SLC47A1: variants seen among roughly 807,000 people sequenced by gnomAD.
SLC47A1 encodes solute carrier family 47 member 1.
A neutral mutation model predicts 65.8 loss-of-function variants in SLC47A1; 58 were observed. The observed-to-expected ratio is 0.88, with a 90% CI of 0.71 to 1.10. SLC47A1 has a LOEUF of 1.10. SLC47A1 is among the 50% of genes least tolerant of loss of function. The probability of loss-of-function intolerance (pLI) is 0.00; values close to 1 mark genes in which losing one functional copy is unlikely to be tolerated. For missense variants in SLC47A1, 706 were observed against 719.2 expected, an observed-to-expected ratio of 0.98 and a Z score of 0.21; for synonymous variants, 285 against 295.0, an observed-to-expected ratio of 0.97 and a Z score of 0.35.
At position 19,567,238 on chromosome 17, in the gene SLC47A1, A is replaced by C. The variant is rs2084366082; in HGVS notation, c.1309+10A>C. 2 of 1,614,026 alleles carry C rather than the reference A, an allele frequency of 1.2e-6. No homozygotes were observed. Among genetic ancestry groups the C allele is most frequent in the South Asian group, 1.1e-5 (1 of 91,080 alleles). The stretch of plus-strand genomic sequence containing the variant: ...ACACTTGGAGTGATGGGTAAGCTCT[A>C]ACCTCTGCAGGCAGGGCTTAGCTGC... On this transcript the variant is annotated intron_variant, in intron 14 of 16. Coordinates refer to ENST00000270570, the MANE Select transcript of SLC47A1 (RefSeq NM_018242.3).
At chr17:19,570,556 G>C (rs1257002661) in intron 14 of SLC47A1, among the ~76,000 whole-genome samples, 7 of 152,234 alleles carry the variant, frequency 4.6e-5, no homozygotes, top group Non-Finnish European at 8.8e-5. Context: ...AATTAGGCAA[G>C]CTGTCAGTTG....
chr17:19,562,303 C>T (rs1424781763), intron 12 of SLC47A1, among the ~76,000 whole-genome samples: 1 of 152,146 alleles, frequency 6.6e-6, no homozygotes, highest in Admixed American at 6.6e-5. Flanking sequence ...TGGCTCACTC[C>T]TGTAATCCCA....
intron 12 of SLC47A1, among the ~76,000 whole-genome samples, chr17:19,561,942 T>G (rs1225542456): frequency 1.3e-5 from 2 of 152,206 alleles, no homozygotes; most frequent in Non-Finnish European, 2.9e-5. Flanking sequence ...GAAGTTAAAA[T>G]CTCACCAGTG....
At chr17:19,556,664 T>G (rs903195252) in intron 10 of SLC47A1, among the ~76,000 whole-genome samples, 5 of 151,686 alleles carry the variant, frequency 3.3e-5, no homozygotes, top group African/African-American at 1.2e-4. Context: ...GTTCAAGCAT[T>G]TCTTCTGCCT....
At chr17:19,573,548 A>C (rs2084416794) in intron 16 of SLC47A1, among the ~76,000 whole-genome samples, 2 of 151,612 alleles carry the variant, frequency 1.3e-5, no homozygotes, top group South Asian at 4.2e-4. Context: ...TTAAATAGAA[A>C]GAGGGTCTTG....
rs140894534 is a variant in SLC47A1, at chr17:19,574,874, G to A, written c.1486+2013G>A. Among the ~76,000 whole-genome samples, 5 of 152,298 alleles carry A rather than the reference G, an allele frequency of 3.3e-5. No homozygotes were observed. In the East Asian group the frequency reaches 9.6e-4, roughly 29 times the overall value. On this transcript the variant is annotated intron_variant, in intron 16 of 16. Coordinates refer to ENST00000270570, the MANE Select transcript of SLC47A1 (RefSeq NM_018242.3). ...TTTTCTTGAACTCCTGACCTCAAGT[G>A]ATCCGCCTGGCTCGGCCTCCCAAAG...
At chr17:19,545,434 C>T (rs1056502856) in intron 2 of SLC47A1, among the ~76,000 whole-genome samples, 3 of 152,026 alleles carry the variant, frequency 2.0e-5, no homozygotes, top group Admixed American at 6.6e-5. Flanking sequence ...CCTCGTGATC[C>T]GCCCACCTCG....
At chr17:19,546,176 C>T (rs951142822) in intron 2 of SLC47A1, among the ~76,000 whole-genome samples, 9 of 152,126 alleles carry the variant, frequency 5.9e-5, no homozygotes, top group Admixed American at 2.0e-4. Flanking sequence ...GCCGAGATCG[C>T]GCCACTGCAC....
At chr17:19,544,671 C>A (rs1300524173) in intron 2 of SLC47A1, among the ~76,000 whole-genome samples, 1 of 152,234 alleles carries the variant, frequency 6.6e-6, no homozygotes, top group South Asian at 2.1e-4. Flanking sequence ...CCAGTGCCCC[C>A]CAGGGTACGG....
At chr17:19,566,984 G>A (rs2084362867) in intron 13 of SLC47A1, 112 bp from the exon 14 acceptor site, 2 of 1,593,102 alleles carry the variant, frequency 1.3e-6, no homozygotes, top group African/African-American at 2.7e-5. Context: ...CGTTTAGAAG[G>A]ATACTGTCAC....
rs1567580258 is a variant in SLC47A1, at chr17:19,577,474, G to GGC, written c.1636_1637dup (p.Gly547GlufsTer10). ...TTGTCCAGGAAACAGCTGGTGCTGC[G>GGC]GCGAGGGCTTCTGCTCCTGGGGGTC... is the stretch of plus-strand genomic sequence containing the variant. On this transcript the variant is annotated frameshift_variant, in exon 17 of 17. Transcript: ENST00000270570. LOFTEE classifies it low-confidence loss of function (END_TRUNC). 1 of 1,614,124 alleles carries GGC rather than the reference G, an allele frequency of 6.2e-7. No individual in the cohort carries two copies. The highest frequency in any genetic ancestry group is 1.7e-5 in the Admixed American group (1 of 60,014).
intron 1 of SLC47A1, among the ~76,000 whole-genome samples, chr17:19,536,521 A>C (rs981524403): frequency 1.3e-5 from 2 of 152,136 alleles, no homozygotes; most frequent in African/African-American, 4.8e-5. Flanking sequence ...CTCACCGCTG[A>C]GAGGTAATTT....
At chr17:19,574,931 C>T (rs556399955) in intron 16 of SLC47A1, among the ~76,000 whole-genome samples, 6 of 152,352 alleles carry the variant, frequency 3.9e-5, no homozygotes, top group South Asian at 4.1e-4. Context: ...CCACCACACC[C>T]GGCCTAACAA....
At position 19,549,638 on chromosome 17, in the gene SLC47A1, T is replaced by C; in HGVS notation, c.459T>C (p.Leu153=). The stretch of plus-strand genomic sequence containing the variant: ...TCTTTTTCTTTTCGTTATTTAGGCT[T>C]ACCCAGACCTATGTCACGATCTTCA... ...LFRQDPDVSR[L]TQTYVTIFIP... Residue 153 remains leucine, a synonymous_variant, in exon 5 of 17, where the codon CTT becomes CTC. Coordinates refer to ENST00000270570, the MANE Select transcript of SLC47A1 (RefSeq NM_018242.3). The C allele has an allele frequency of 6.2e-7, 1 of 1,614,202 alleles. No individual in the cohort carries two copies. The highest frequency in any genetic ancestry group is 8.5e-7 in the Non-Finnish European group (1 of 1,180,028).
At chr17:19,544,180 G>A (rs554450534) in intron 2 of SLC47A1, among the ~76,000 whole-genome samples, 1 of 152,236 alleles carries the variant, frequency 6.6e-6, no homozygotes, top group Non-Finnish European at 1.5e-5. Context: ...TCCTGACCTC[G>A]TGATCTGCCC....
chr17:19,552,981 C>T (rs1916496061), intron 6 of SLC47A1, among the ~76,000 whole-genome samples: 1 of 152,028 alleles, frequency 6.6e-6, no homozygotes, highest in African/African-American at 2.4e-5. Flanking sequence ...TGGTGAAGGT[C>T]TGTGATGAAG....
rs2084298213 is a variant in SLC47A1 at position 19,560,305 on chromosome 17, AC to A, written c.1030+13del. ...TTCCCTGCTGATTACAGGTGCTGAG[AC>A]CCCTTTACCCGAGGCTCTTGGTGCA... is the stretch of plus-strand genomic sequence containing the variant. On this transcript the variant is annotated intron_variant, in intron 11 of 16. Coordinates refer to ENST00000270570, the MANE Select transcript of SLC47A1 (RefSeq NM_018242.3). 6.2e-7 allele frequency: 1 copy of A among 1,610,752 alleles called. No homozygotes were observed.
rs2084296004 is a variant in SLC47A1, at chr17:19,560,092, T to C, written c.922-96T>C. ...TCTTTTCAAAACTTTTAGGACCAAGTTTTCCCACCAGGTGTGAGGCATGAG... is the reference window on the plus strand; with the variant it reads ...TCTTTTCAAAACTTTTAGGACCAAGCTTTCCCACCAGGTGTGAGGCATGAG... On this transcript the variant is annotated intron_variant, in intron 10 of 16. Coordinates refer to ENST00000270570, the MANE Select transcript of SLC47A1 (RefSeq NM_018242.3). 13 of 859,064 alleles carry C rather than the reference T, an allele frequency of 1.5e-5. 1 individual carries two copies. In the South Asian group the frequency reaches 2.3e-4, roughly 15 times the overall value. 53.2% of individuals were successfully genotyped at this position (859,064 alleles called of 1,614,324 possible). A position where few individuals can be genotyped will look rare whatever the true frequency, so the allele number is the denominator to read the frequency against.
At position 19,577,527 on chromosome 17, in the gene SLC47A1, G is replaced by C. The variant is rs755041255; in HGVS notation, c.1687G>C (p.Val563Leu). The change falls in exon 17 of 17, where the codon GTG (valine) becomes CTG (leucine). Residue 563 changes from valine to leucine, a missense_variant. Coordinates refer to ENST00000270570, the MANE Select transcript of SLC47A1 (RefSeq NM_018242.3). ...VFLILLVGIL[V>L]RFYVRIQ ...CTTAATCTTGCTGGTGGGGATTTTA[G>C]TGAGATTCTATGTCAGAATTCAGTG... is the stretch of plus-strand genomic sequence containing the variant. 6.2e-7 allele frequency: 1 copy of C among 1,614,178 alleles called. No individual in the cohort carries two copies. The highest frequency in any genetic ancestry group is 8.5e-7 in the Non-Finnish European group (1 of 1,180,016).
Sources: gnomAD v4.1 joint callset for allele counts (sites outside exome capture counted in the v4.1 genomes callset) on GRCh38, gnomAD v4.1.1 for gene constraint, MANE v1.5 for transcripts, NCBI Gene and HGNC (gene_info 2026-07-23, HGNC 2026-07-21) for gene names.